PPP1R12B: variants seen among roughly 807,000 people sequenced by gnomAD.
PPP1R12B encodes the protein myosin phosphatase target subunit 2.
In PPP1R12B, 76 loss-of-function variants were observed where a neutral mutation model predicts 126.1. That is an observed-to-expected ratio of 0.60 (90% CI 0.50 to 0.73). The LOEUF is 0.73. Ranked by LOEUF, PPP1R12B falls within the 30% of genes least tolerant of loss-of-function variation. PPP1R12B has a pLI of 0.00. For synonymous variants in PPP1R12B, 356 were observed against 434.7 expected, an observed-to-expected ratio of 0.82 and a Z score of 2.25; for missense variants, 1,052 against 1,205.1, an observed-to-expected ratio of 0.87 and a Z score of 1.88.
At chr1:202,529,898 T>A (rs1683749202) in intron 18 of PPP1R12B, among the ~76,000 whole-genome samples, 1 of 152,206 alleles carries the variant, frequency 6.6e-6, no homozygotes, top group Non-Finnish European at 1.5e-5. Flanking sequence ...ATAATTTCTG[T>A]ACAACTGCAC....
rs1319662626 is a variant in PPP1R12B at position 202,588,061 on chromosome 1, G to T, written c.*7501G>T. The T allele has an allele frequency of 2.0e-5, 3 of 152,334 alleles. No homozygotes were observed. The highest frequency in any genetic ancestry group is 4.4e-5 in the Non-Finnish European group (3 of 68,036). The allele number at this position is 152,334 out of a possible 1,614,324, so 9.4% of individuals were successfully genotyped here. On this transcript the variant is annotated 3_prime_UTR_variant, in exon 24 of 24. Coordinates refer to ENST00000608999, the MANE Select transcript of PPP1R12B (RefSeq NM_002481.4). ...TCACCCTTGCATCCTTCTTGGAGAA[G>T]CTACAGCCTGTGCTCAGTTGAGTGG...
intron 1 of PPP1R12B, among the ~76,000 whole-genome samples, chr1:202,354,671 C>T (rs1001973831): frequency 2.7e-5 from 4 of 150,848 alleles, no homozygotes; most frequent in African/African-American, 9.8e-5. Flanking sequence ...TTTTTTGAGA[C>T]AGAGTCTCGC....
chr1:202,372,786 A>G (rs6699809), intron 1 of PPP1R12B, among the ~76,000 whole-genome samples: 51,520 of 151,962 alleles, frequency 0.34, 8,872 homozygotes, highest in Middle Eastern at 0.45. Context: ...ATAAAAAAAA[A>G]TAAAAAAGTA....
chr1:202,540,242 G>A (rs1291674732), intron 18 of PPP1R12B: 1 of 1,583,290 alleles, frequency 6.3e-7, no homozygotes, highest in East Asian at 2.2e-5. Flanking sequence ...GACGCTCCGA[G>A]TAAGCAGCAT....
intron 8 of PPP1R12B, among the ~76,000 whole-genome samples, chr1:202,433,141 T>C (rs1205772127): frequency 6.6e-6 from 1 of 152,236 alleles, no homozygotes; most frequent in African/African-American, 2.4e-5. Flanking sequence ...GGAAATGGTA[T>C]TGTAGTACCT....
chr1:202,499,619 C>T (rs954195835), intron 18 of PPP1R12B, among the ~76,000 whole-genome samples: 3 of 152,200 alleles, frequency 2.0e-5, no homozygotes, highest in Non-Finnish European at 1.5e-5. Flanking sequence ...CTTATGCCTC[C>T]AGTCAGAGTT....
At chr1:202,551,660 T>C (rs1227468071) in intron 18 of PPP1R12B, among the ~76,000 whole-genome samples, 4 of 152,194 alleles carry the variant, frequency 2.6e-5, no homozygotes, top group Non-Finnish European at 4.4e-5. Flanking sequence ...CATAGCACAG[T>C]TGACCTTAAG....
intron 12 of PPP1R12B, chr1:202,448,638 G>A (rs542195850): frequency 9.3e-5 from 19 of 204,692 alleles, no homozygotes; most frequent in Middle Eastern, 2.0e-3. Flanking sequence ...CCATGTCTCC[G>A]TGTGCATGTG....
intron 1 of PPP1R12B, among the ~76,000 whole-genome samples, chr1:202,354,696 T>A (rs1656705095): frequency 6.6e-6 from 1 of 151,648 alleles, no homozygotes; most frequent in Non-Finnish European, 1.5e-5. Flanking sequence ...TCAGCCAGGC[T>A]GGAGTGCAGT....
intron 18 of PPP1R12B, 96 bp downstream of exon 18, chr1:202,496,918 T>C: frequency 1.6e-6 from 2 of 1,278,478 alleles, no homozygotes; most frequent in East Asian, 4.8e-5. Context: ...AATGCAGATT[T>C]TAGTTGAGAA....
chr1:202,454,276 A>G (rs1181908751), intron 13 of PPP1R12B, among the ~76,000 whole-genome samples: 1 of 152,204 alleles, frequency 6.6e-6, no homozygotes, highest in East Asian at 1.9e-4. Flanking sequence ...GGTTAAATCA[A>G]AATATTAGTG....
At position 202,416,774 on chromosome 1, in the gene PPP1R12B, C is replaced by G. The variant is rs369461683; in HGVS notation, c.292-13C>G. The G allele has an allele frequency of 2.5e-6, 4 of 1,611,774 alleles. No individual in the cohort carries two copies. The highest frequency in any genetic ancestry group is 3.4e-6 in the Non-Finnish European group (4 of 1,178,550). ...AATACTTGTTGAATGAATGAATGGACTTTTCTTTTCAGGCATGTATTGATG... is the reference window on the plus strand; with the variant it reads ...AATACTTGTTGAATGAATGAATGGAGTTTTCTTTTCAGGCATGTATTGATG... On this transcript the variant is annotated splice_polypyrimidine_tract_variant and intron_variant, in intron 1 of 23. Coordinates refer to ENST00000608999, the MANE Select transcript of PPP1R12B (RefSeq NM_002481.4).
intron 18 of PPP1R12B, among the ~76,000 whole-genome samples, chr1:202,547,748 A>T (rs950332781): frequency 1.3e-5 from 2 of 152,232 alleles, no homozygotes; most frequent in African/African-American, 2.4e-5. Flanking sequence ...ATGACCTTAA[A>T]TGTGTGTAGA....
At chr1:202,438,290 C>CA in intron 10 of PPP1R12B, 2 of 1,529,814 alleles carry the variant, frequency 1.3e-6, no homozygotes, top group Non-Finnish European at 8.9e-7. Context: ...TTACCTAAAG[C>CA]AAAAAATGGA....
rs761593976 is a variant in PPP1R12B at position 202,434,779 on chromosome 1, T to G, written c.1254+11T>G. ...TCTTCTGCTAGGAGGGTGAGTACTTTTTACTTAATTTGGGAATTAGATTTC... is the reference window on the plus strand; with the variant it reads ...TCTTCTGCTAGGAGGGTGAGTACTTGTTACTTAATTTGGGAATTAGATTTC... On this transcript the variant is annotated intron_variant, in intron 9 of 23. Coordinates refer to ENST00000608999, the MANE Select transcript of PPP1R12B (RefSeq NM_002481.4). The G allele has an allele frequency of 3.1e-6, 5 of 1,612,382 alleles. No homozygotes were observed. In the South Asian group the frequency reaches 5.5e-5, roughly 18 times the overall value.
chr1:202,523,212 C>T (rs906108210), intron 18 of PPP1R12B, among the ~76,000 whole-genome samples: 7 of 152,104 alleles, frequency 4.6e-5, no homozygotes, highest in Admixed American at 2.0e-4. Flanking sequence ...AGACAATGAT[C>T]CTGACCTGTT....
chr1:202,418,431 C>T (rs1489549184), intron 2 of PPP1R12B, among the ~76,000 whole-genome samples: 1 of 151,622 alleles, frequency 6.6e-6, no homozygotes, highest in Non-Finnish European at 1.5e-5. Context: ...TGGCATTATC[C>T]TCCTGTGTGT....
At chr1:202,392,502 G>A (rs1372444954) in intron 1 of PPP1R12B, among the ~76,000 whole-genome samples, 2 of 151,782 alleles carry the variant, frequency 1.3e-5, no homozygotes, top group South Asian at 2.1e-4. Flanking sequence ...GCAATAGCTA[G>A]AGGATACAGG....
At chr1:202,382,978 G>A (rs895353504) in intron 1 of PPP1R12B, among the ~76,000 whole-genome samples, 2 of 151,924 alleles carry the variant, frequency 1.3e-5, no homozygotes, top group African/African-American at 2.4e-5. Flanking sequence ...AAATCTTGTT[G>A]ATCCATCAAA....
Sources: gnomAD v4.1 joint callset for allele counts (sites outside exome capture counted in the v4.1 genomes callset) on GRCh38, gnomAD v4.1.1 for gene constraint, MANE v1.5 for transcripts, NCBI Gene and HGNC (gene_info 2026-07-23, HGNC 2026-07-21) for gene names.